The following NDUFAF2 variants were observed in gnomAD, a reference collection of about 807,000 sequenced individuals.
The protein encoded by NDUFAF2 is NADH dehydrogenase [ubiquinone] 1 alpha subcomplex assembly factor 2.
A neutral mutation model predicts 22.8 loss-of-function variants in NDUFAF2; 13 were observed. That is an observed-to-expected ratio of 0.57 (90% CI 0.37 to 0.91). NDUFAF2 has a LOEUF of 0.91. NDUFAF2 is among the 40% of genes least tolerant of loss of function. NDUFAF2 has a pLI of 0.01. For synonymous variants in NDUFAF2, 53 were observed against 64.2 expected (o/e 0.83, Z 0.84); for missense variants, 162 against 195.2 (o/e 0.83, Z 1.01).
intron 1 of NDUFAF2, among the ~76,000 whole-genome samples, chr5:60,977,529 A>C (rs1279718824): frequency 6.6e-6 from 1 of 152,114 alleles, no homozygotes; most frequent in Non-Finnish European, 1.5e-5. Context: ...GAGGAGGCAG[A>C]GCAAAATGGC....
chr5:61,086,026 G>A lies in NDUFAF2; in HGVS notation c.217+12812G>A, dbSNP rs181133834. Among the ~76,000 whole-genome samples the A allele has an allele frequency of 2.0e-4, 31 of 152,040 alleles. 1 individual carries two copies. The South Asian group carries it at 3.5e-3, about 17-fold the overall frequency. On this transcript the variant is annotated intron_variant, in intron 2 of 3. Transcript: ENST00000296597. The stretch of plus-strand genomic sequence containing the variant: ...CCAGCCTACTCAAGAGCCTGAGATG[G>A]GAGAATCACTTGAGCCCAGAAGTTT...
intron 2 of NDUFAF2, among the ~76,000 whole-genome samples, chr5:61,091,383 T>A (rs1297863901): frequency 6.6e-6 from 1 of 152,080 alleles, no homozygotes; most frequent in African/African-American, 2.4e-5. Context: ...CCATTCTGAC[T>A]GGTGTGAGAT....
At chr5:61,040,016 A>G (rs1260389757) in intron 1 of NDUFAF2, among the ~76,000 whole-genome samples, 1 of 152,104 alleles carries the variant, frequency 6.6e-6, no homozygotes, top group African/African-American at 2.4e-5. Context: ...AAGCTGTTGA[A>G]CACTTGAACT....
At chr5:61,048,628 C>T (rs34644) in intron 1 of NDUFAF2, among the ~76,000 whole-genome samples, 97,233 of 151,990 alleles carry the variant, frequency 0.64, 31,536 homozygotes, top group East Asian at 0.94. Flanking sequence ...CAAGCCATTA[C>T]ACCTGGGCCA....
chr5:61,127,965 C>G (rs1489213414), intron 3 of NDUFAF2, among the ~76,000 whole-genome samples: 1 of 152,124 alleles, frequency 6.6e-6, no homozygotes, highest in African/African-American at 2.4e-5. Context: ...GATATAAAAT[C>G]AATGTGCGAA....
chr5:61,111,112 G>A (rs1472719996), intron 3 of NDUFAF2, among the ~76,000 whole-genome samples: 6 of 152,088 alleles, frequency 3.9e-5, no homozygotes, highest in Non-Finnish European at 8.8e-5. Flanking sequence ...CCATGTGTTT[G>A]TATAGTTTCC....
At chr5:61,050,859 T>C (rs958902866) in intron 1 of NDUFAF2, among the ~76,000 whole-genome samples, 5 of 152,182 alleles carry the variant, frequency 3.3e-5, no homozygotes, top group African/African-American at 1.2e-4. Flanking sequence ...GTTGTGTTTA[T>C]AATTAGCATG....
intron 2 of NDUFAF2, among the ~76,000 whole-genome samples, chr5:61,083,841 A>G (rs919756656): frequency 2.6e-5 from 4 of 151,750 alleles, no homozygotes; most frequent in African/African-American, 9.7e-5. Context: ...GTGTACTTTT[A>G]AGTGATATTG....
chr5:61,014,936 T>C (rs290513), intron 1 of NDUFAF2, among the ~76,000 whole-genome samples: 101,875 of 152,084 alleles, frequency 0.67, 34,478 homozygotes, highest in East Asian at 0.94. Flanking sequence ...TAACTATATA[T>C]AGGGAGAAGA....
intron 1 of NDUFAF2, among the ~76,000 whole-genome samples, chr5:61,013,183 A>G (rs1377384513): frequency 6.6e-6 from 1 of 152,154 alleles, no homozygotes. Flanking sequence ...AAACTTGGAG[A>G]GTAGCTTTTT....
At chr5:61,038,645 C>G (rs879902461) in intron 1 of NDUFAF2, among the ~76,000 whole-genome samples, 5 of 152,052 alleles carry the variant, frequency 3.3e-5, no homozygotes, top group Admixed American at 6.6e-5. Context: ...ATGTTAGGGA[C>G]CAAATGCTTG....
intron 1 of NDUFAF2, among the ~76,000 whole-genome samples, chr5:61,033,876 A>G (rs1413248517): frequency 6.6e-6 from 1 of 152,218 alleles, no homozygotes; most frequent in African/African-American, 2.4e-5. Flanking sequence ...GGGAAAAACT[A>G]TACATAAATA....
chr5:61,077,959 A>G (rs769762807), intron 2 of NDUFAF2, among the ~76,000 whole-genome samples: 1 of 152,230 alleles, frequency 6.6e-6, no homozygotes, highest in East Asian at 1.9e-4. Context: ...TCTGCTTCCA[A>G]TTTTTTACTC....
intron 1 of NDUFAF2, among the ~76,000 whole-genome samples, chr5:60,945,787 G>T (rs898423199): frequency 6.6e-6 from 1 of 152,228 alleles, no homozygotes; most frequent in Non-Finnish European, 1.5e-5. Flanking sequence ...GCCAGGGGAG[G>T]GGTTTTTCGT....
intron 1 of NDUFAF2, among the ~76,000 whole-genome samples, chr5:61,072,802 A>T (rs920368117): frequency 6.6e-6 from 1 of 152,064 alleles, no homozygotes; most frequent in African/African-American, 2.4e-5. Flanking sequence ...GGGTTTCACC[A>T]TGTTGCCCAG....
intron 1 of NDUFAF2, among the ~76,000 whole-genome samples, chr5:61,035,766 C>A (rs1751792890): frequency 6.6e-6 from 1 of 151,864 alleles, no homozygotes; most frequent in Non-Finnish European, 1.5e-5. Context: ...AGTTTTTTCC[C>A]AATTTGTCAA....
chr5:61,022,562 A>G (rs1435959073), intron 1 of NDUFAF2, among the ~76,000 whole-genome samples: 1 of 152,126 alleles, frequency 6.6e-6, no homozygotes, highest in Non-Finnish European at 1.5e-5. Context: ...TTTTCTTTGT[A>G]GATAATCTGA....
chr5:61,116,454 A>T (rs1752913203), intron 3 of NDUFAF2: 1 of 152,190 alleles, frequency 6.6e-6, no homozygotes, highest in African/African-American at 2.4e-5. Context: ...ATAAAAATAT[A>T]ATAGAAATGA....
intron 1 of NDUFAF2, among the ~76,000 whole-genome samples, chr5:60,996,313 C>T (rs866908933): frequency 1.3e-5 from 2 of 152,086 alleles, no homozygotes; most frequent in Admixed American, 6.6e-5. Flanking sequence ...TCCTTCTGGA[C>T]CAGGGTGTAT....
Sources: gnomAD v4.1 joint callset for allele counts (sites outside exome capture counted in the v4.1 genomes callset) on GRCh38, gnomAD v4.1.1 for gene constraint, MANE v1.5 for transcripts, NCBI Gene and HGNC (gene_info 2026-07-23, HGNC 2026-07-21) for gene names.